Variants in SAMD5 observed in about 807,000 individuals in gnomAD.
SAMD5 encodes sterile alpha motif domain containing 5.
A neutral mutation model predicts 11.3 loss-of-function variants in SAMD5; 13 were observed. The observed-to-expected ratio is 1.15, with a 90% CI of 0.75 to 1.83. The LOEUF is 1.83. SAMD5 is among the 40% of genes most tolerant of loss of function. The pLI is 0.00. For synonymous variants in SAMD5, 129 were observed against 111.3 expected (o/e 1.16, Z -1.00); for missense variants, 255 against 239.1 (o/e 1.07, Z -0.44).
intron 1 of SAMD5, among the ~76,000 whole-genome samples, chr6:147,700,630 A>G (rs1791240891): frequency 6.6e-6 from 1 of 152,258 alleles, no homozygotes; most frequent in Non-Finnish European, 1.5e-5. Flanking sequence ...CTGGCCCTGA[A>G]TGATCATTCT....
chr6:147,609,945 A>G (rs544152726), intron 1 of SAMD5, among the ~76,000 whole-genome samples: 6 of 152,006 alleles, frequency 3.9e-5, no homozygotes, highest in African/African-American at 1.5e-4. Flanking sequence ...CCTGGATTTA[A>G]TTTTTTTTAA....
intron 1 of SAMD5, among the ~76,000 whole-genome samples, chr6:147,613,133 A>AC (rs1332284352): frequency 7.9e-5 from 12 of 152,122 alleles, no homozygotes; most frequent in African/African-American, 2.9e-4. Context: ...CCTGGGTGAC[A>AC]GAGCAAGACT....
intron 1 of SAMD5, among the ~76,000 whole-genome samples, chr6:147,651,703 A>G (rs1562343282): frequency 6.6e-6 from 1 of 152,130 alleles, no homozygotes; most frequent in Non-Finnish European, 1.5e-5. Flanking sequence ...TTTATAAGCC[A>G]CCCGGTTTGA....
At chr6:147,675,647 T>C (rs1259305412) in intron 1 of SAMD5, among the ~76,000 whole-genome samples, 2 of 152,236 alleles carry the variant, frequency 1.3e-5, no homozygotes. Context: ...GTATATGTCA[T>C]TAAGGCCTCA....
At chr6:147,823,074 C>T in the SAMD5 span, among the ~76,000 whole-genome samples, 4,556 of 152,224 alleles carry the variant, frequency 0.03, 98 homozygotes, top group Middle Eastern at 0.051. Flanking sequence ...GCCTCGGCCT[C>T]CCAAAGTGCC....
the SAMD5 span, among the ~76,000 whole-genome samples, chr6:147,805,819 C>T: frequency 2.8e-3 from 432 of 152,262 alleles, 4 homozygotes; most frequent in African/African-American, 9.8e-3. Flanking sequence ...TGAAGGGGCA[C>T]TCACAATTCA....
At chr6:147,572,952 A>G (rs1789158607), downstream of SAMD5, among the ~76,000 whole-genome samples, 2 of 152,212 alleles carry the variant, frequency 1.3e-5, no homozygotes. Context: ...AAGTAAAGGC[A>G]AAAAAGAGTG....
chr6:147,953,109 G>A, the SAMD5 span, among the ~76,000 whole-genome samples: 4 of 151,994 alleles, frequency 2.6e-5, no homozygotes, highest in Non-Finnish European at 4.4e-5. Context: ...AATACTAAGC[G>A]TCAAGATCTC....
At chr6:147,640,361 G>A (rs528525716) in intron 1 of SAMD5, among the ~76,000 whole-genome samples, 1 of 151,186 alleles carries the variant, frequency 6.6e-6, no homozygotes, top group East Asian at 2.0e-4. Context: ...GCCGGGTGTG[G>A]TGGTGTACAC....
chr6:147,588,222 A>G (rs1225285872), intron 1 of SAMD5, among the ~76,000 whole-genome samples: 1 of 151,224 alleles, frequency 6.6e-6, no homozygotes, highest in Non-Finnish European at 1.5e-5. Context: ...AACTTGAAAC[A>G]TAGATGCATA....
intron 1 of SAMD5, among the ~76,000 whole-genome samples, chr6:147,586,627 ACTCTGT>A: frequency 6.6e-6 from 1 of 152,052 alleles, no homozygotes; most frequent in East Asian, 1.9e-4. Flanking sequence ...TTTCTTCAAT[ACTCTGT>A]GATAATTGTG....
chr6:147,943,298 C>T, the SAMD5 span, among the ~76,000 whole-genome samples: 8 of 152,050 alleles, frequency 5.3e-5, no homozygotes, highest in African/African-American at 1.7e-4. Context: ...TTTTTTTCCC[C>T]CTCAACTACT....
At chr6:147,875,006 G>A in the SAMD5 span, among the ~76,000 whole-genome samples, 8 of 152,146 alleles carry the variant, frequency 5.3e-5, no homozygotes, top group African/African-American at 1.9e-4. Context: ...ATTTCCGCAT[G>A]TTACTGTTTT....
the SAMD5 span, among the ~76,000 whole-genome samples, chr6:147,937,919 G>T: frequency 6.6e-6 from 1 of 151,860 alleles, no homozygotes; most frequent in South Asian, 2.1e-4. Flanking sequence ...GCTTTTCTAG[G>T]GTCTGGTACT....
At chr6:147,634,438 C>T (rs991235254) in intron 1 of SAMD5, among the ~76,000 whole-genome samples, 2 of 152,148 alleles carry the variant, frequency 1.3e-5, no homozygotes, top group African/African-American at 4.8e-5. Context: ...CAATTATCTC[C>T]CATCAGGCCC....
At chr6:147,694,717 T>A (rs1791151863) in intron 1 of SAMD5, among the ~76,000 whole-genome samples, 1 of 152,104 alleles carries the variant, frequency 6.6e-6, no homozygotes, top group Non-Finnish European at 1.5e-5. Flanking sequence ...CTCAGGAGGC[T>A]GAGGTGGGAG....
In SAMD5 at chr6:147,568,630, A is replaced by T. The variant is rs1789082462; in HGVS notation, c.*4174A>T. The T allele has an allele frequency of 1.0e-6, 1 of 985,132 alleles. No individual in the cohort carries two copies. Among genetic ancestry groups the T allele is most frequent in the African/African-American group, 1.7e-5 (1 of 57,248 alleles). 61.0% of individuals were successfully genotyped at this position (985,132 alleles called of 1,614,324 possible). A position where few individuals can be genotyped will look rare whatever the true frequency, so the allele number is the denominator to read the frequency against. On this transcript the variant is annotated 3_prime_UTR_variant, in exon 2 of 2. Coordinates refer to ENST00000367474, the MANE Select transcript of SAMD5 (RefSeq NM_001030060.3). ...TTGTGCTTACAGTAAAGCCATATAGATGCACACATAGTGACTTTATTAAAT... is the reference window on the plus strand; with the variant it reads ...TTGTGCTTACAGTAAAGCCATATAGTTGCACACATAGTGACTTTATTAAAT...
At chr6:147,642,646 GA>G (rs749584996) in intron 1 of SAMD5, among the ~76,000 whole-genome samples, 14 of 152,116 alleles carry the variant, frequency 9.2e-5, no homozygotes, top group Non-Finnish European at 1.9e-4. Flanking sequence ...TTCCAGATAA[GA>G]AAAATAAAAC....
chr6:147,620,670 A>G (rs2128450166), intron 1 of SAMD5, among the ~76,000 whole-genome samples: 1 of 152,304 alleles, frequency 6.6e-6, no homozygotes, highest in East Asian at 1.9e-4. Flanking sequence ...GAGCTTTCTC[A>G]CTGGTGTGCT....
Sources: gnomAD v4.1 joint callset for allele counts (sites outside exome capture counted in the v4.1 genomes callset) on GRCh38, gnomAD v4.1.1 for gene constraint, MANE v1.5 for transcripts, NCBI Gene and HGNC (gene_info 2026-07-23, HGNC 2026-07-21) for gene names.